HYLS1: variants seen among roughly 807,000 people sequenced by gnomAD.
The protein encoded by HYLS1 is centriolar and ciliogenesis-associated protein HYLS1.
A neutral mutation model predicts 29.4 loss-of-function variants in HYLS1; 25 were observed. The ratio of observed to expected loss-of-function variants is 0.85; its 90% CI spans 0.62 to 1.19. The LOEUF (loss-of-function observed/expected upper bound fraction) is 1.19, where lower values mean the gene tolerates loss of function less well. HYLS1 is among the 50% of genes most tolerant of loss of function. The pLI is 0.00. For missense variants in HYLS1, 352 were observed against 365.1 expected, an observed-to-expected ratio of 0.96 and a Z score of 0.29; for synonymous variants, 128 against 126.7, an observed-to-expected ratio of 1.01 and a Z score of -0.07.
rs752414383 is a variant in HYLS1, at chr11:125,899,387, G to T, written c.19G>T (p.Asp7Tyr). The T allele has an allele frequency of 2.5e-6, 4 of 1,614,132 alleles. No individual in the cohort carries two copies. The South Asian group carries it at 4.4e-5, about 18-fold the overall frequency. The change falls in exon 3 of 3, where the codon GAT (aspartate) becomes TAT (tyrosine). Residue 7 changes from aspartate to tyrosine, a missense_variant. Physicochemically the swap from Asp to Tyr is radical, Grantham distance 160. Transcript: ENST00000425380. Reference sequence around the variant, plus strand: ...GGAAGCAATGGAAGAACTTCTACCTGATGGACAAATATGGGCTAATATGGA... The same window carrying T: ...GGAAGCAATGGAAGAACTTCTACCTTATGGACAAATATGGGCTAATATGGA... MEELLP[D>Y]GQIWANMDPE...
At chr11:125,888,575 C>G (rs1944351038) in intron 1 of HYLS1, among the ~76,000 whole-genome samples, 1 of 151,794 alleles carries the variant, frequency 6.6e-6, no homozygotes, top group South Asian at 2.1e-4. Context: ...TCGAGACCAG[C>G]CCGACCAATA....
At chr11:125,885,481 C>T (rs188845938), upstream of HYLS1, among the ~76,000 whole-genome samples, 55 of 151,794 alleles carry the variant, frequency 3.6e-4, no homozygotes, top group Non-Finnish European at 6.6e-4. Flanking sequence ...GAAAAAGAAA[C>T]GAACTGGGGG....
intron 2 of HYLS1, among the ~76,000 whole-genome samples, chr11:125,897,629 C>T (rs1022966059): frequency 2.0e-5 from 3 of 151,684 alleles, no homozygotes; most frequent in Admixed American, 6.6e-5. Context: ...ATTTTAAATG[C>T]TCAATTTTAC....
chr11:125,899,549 C>T lies in HYLS1; in HGVS notation c.181C>T (p.Arg61Ter), dbSNP rs61746266. ...YSKASVAPGK[R>*]PALPVQLQYP... is the part of the protein sequence containing the mutation. ...TAAAGCTTCAGTAGCCCCAGGGAAGCGACCTGCTCTTCCTGTGCAACTACA... is the reference window on the plus strand; with the variant it reads ...TAAAGCTTCAGTAGCCCCAGGGAAGTGACCTGCTCTTCCTGTGCAACTACA... Residue 61 changes from arginine to a stop codon, truncating the protein, a stop_gained, in exon 3 of 3, where the codon CGA (arginine) becomes TGA (stop). Coordinates refer to ENST00000425380, the MANE Select transcript of HYLS1 (RefSeq NM_001134793.2). LOFTEE classifies it high-confidence loss of function. 9.3e-6 allele frequency: 15 copies of T among 1,614,004 alleles called. No homozygotes were observed. In the Admixed American group the frequency reaches 1.7e-4, roughly 18 times the overall value.
chr11:125,897,097 T>G (rs1944612963), intron 2 of HYLS1, among the ~76,000 whole-genome samples: 1 of 152,204 alleles, frequency 6.6e-6, no homozygotes, highest in Non-Finnish European at 1.5e-5. Context: ...AGGACAACTG[T>G]ACTACATCCT....
chr11:125,893,520 A>G, intron 2 of HYLS1: 1 of 304,500 alleles, frequency 3.3e-6, no homozygotes, highest in Non-Finnish European at 6.0e-6. Flanking sequence ...ATTTGAATAC[A>G]AGGCACAGGT....
chr11:125,900,612 A>G lies in HYLS1; in HGVS notation c.*344A>G, dbSNP rs1394002144. Reference sequence around the variant, plus strand: ...GTGTGTGTTTTTTAAGTTGCTGGGCATTACACTTACCAATTAAAGAATTTT... The same window carrying G: ...GTGTGTGTTTTTTAAGTTGCTGGGCGTTACACTTACCAATTAAAGAATTTT... On this transcript the variant is annotated 3_prime_UTR_variant, in exon 3 of 3. Transcript: ENST00000425380. The G allele has an allele frequency of 3.3e-6, 1 of 304,034 alleles. No individual in the cohort carries two copies. Among genetic ancestry groups the G allele is most frequent in the East Asian group, 9.6e-5 (1 of 10,416 alleles). 18.8% of individuals were successfully genotyped at this position (304,034 alleles called of 1,614,324 possible). A position where few individuals can be genotyped will look rare whatever the true frequency, so the allele number is the denominator to read the frequency against.
At chr11:125,887,176 G>A (rs1474392715), upstream of HYLS1, 1 of 152,454 alleles carries the variant, frequency 6.6e-6, no homozygotes, top group Non-Finnish European at 1.5e-5. Flanking sequence ...AGAGCGCACA[G>A]GCGGACTCAC....
At chr11:125,894,048 C>T (rs146114159) in intron 2 of HYLS1, 3 of 1,614,062 alleles carry the variant, frequency 1.9e-6, no homozygotes, top group African/African-American at 1.3e-5. Flanking sequence ...TGCTTTATGA[C>T]AGAGGGCTTA....
chr11:125,894,435 T>C, intron 2 of HYLS1: 1 of 625,044 alleles, frequency 1.6e-6, no homozygotes, highest in Non-Finnish European at 2.8e-6. Flanking sequence ...TATCTCACCA[T>C]CCCTAACCTT....
At chr11:125,884,034 C>G (rs1480403927), upstream of HYLS1, 1 of 152,160 alleles carries the variant, frequency 6.6e-6, no homozygotes, top group Non-Finnish European at 1.5e-5. Context: ...AAGCCATATT[C>G]AACTACACTG....
At chr11:125,887,634 G>C (rs1188224242), upstream of HYLS1, 1 of 152,346 alleles carries the variant, frequency 6.6e-6, no homozygotes, top group African/African-American at 2.4e-5. Context: ...CTCAGCGGTC[G>C]GCGGTTAACC....
chr11:125,894,098 A>G lies in HYLS1; in HGVS notation c.-26+2626A>G, dbSNP rs931186530. 8.1e-6 allele frequency: 13 copies of G among 1,614,002 alleles called. No individual in the cohort carries two copies. The Admixed American group carries it at 2.0e-4, about 25-fold the overall frequency. On this transcript the variant is annotated intron_variant, in intron 2 of 2. Coordinates refer to ENST00000425380, the MANE Select transcript of HYLS1 (RefSeq NM_001134793.2). ...TGTCATTCCATCCATCTTTGGTCCTATTCCACAGGGTACTGGAACAGTGTC... is the reference window on the plus strand; with the variant it reads ...TGTCATTCCATCCATCTTTGGTCCTGTTCCACAGGGTACTGGAACAGTGTC...
chr11:125,884,604 G>A (rs991547758), upstream of HYLS1, among the ~76,000 whole-genome samples: 26 of 152,318 alleles, frequency 1.7e-4, no homozygotes, highest in Non-Finnish European at 2.6e-4. Flanking sequence ...GTGAGACTCC[G>A]TCTCAAAAAC....
At chr11:125,898,929 C>G (rs1202984133) in intron 2 of HYLS1, among the ~76,000 whole-genome samples, 1 of 152,078 alleles carries the variant, frequency 6.6e-6, no homozygotes, top group Non-Finnish European at 1.5e-5. Context: ...CTGTGAAAAG[C>G]AGATAATCCC....
chr11:125,900,562 T>C lies in HYLS1; in HGVS notation c.*294T>C. ...TTTGTGTCCTGTAACTTTTTTTACCTATCAATATGAGTTGCTGTGCTTCAG... is the reference window on the plus strand; with the variant it reads ...TTTGTGTCCTGTAACTTTTTTTACCCATCAATATGAGTTGCTGTGCTTCAG... On this transcript the variant is annotated 3_prime_UTR_variant, in exon 3 of 3. Transcript: ENST00000425380. 1 of 402,946 alleles carries C rather than the reference T, an allele frequency of 2.5e-6. No homozygotes were observed. The highest frequency in any genetic ancestry group is 4.8e-6 in the Non-Finnish European group (1 of 209,082). 25.0% of individuals were successfully genotyped at this position (402,946 alleles called of 1,614,324 possible).
chr11:125,897,765 A>G (rs1439572556), intron 2 of HYLS1, among the ~76,000 whole-genome samples: 1 of 152,230 alleles, frequency 6.6e-6, no homozygotes, highest in Non-Finnish European at 1.5e-5. Flanking sequence ...TATGGTCAGT[A>G]CAGCTTCTTT....
At chr11:125,888,105 G>A (rs1944341452) in intron 1 of HYLS1, 2 of 152,278 alleles carry the variant, frequency 1.3e-5, no homozygotes, top group Non-Finnish European at 2.9e-5. Flanking sequence ...CGGCCCCAGG[G>A]CTGGAGGGGA....
chr11:125,886,549 C>T (rs935157797), upstream of HYLS1, among the ~76,000 whole-genome samples: 3 of 147,500 alleles, frequency 2.0e-5, no homozygotes, highest in African/African-American at 7.6e-5. Context: ...CAGATCTCAT[C>T]CTCAGCAATC....
Sources: allele counts gnomAD v4.1 joint callset (sites outside exome capture counted in the v4.1 genomes callset), GRCh38; gene constraint gnomAD v4.1.1; transcripts MANE v1.5; gene names NCBI Gene and HGNC (gene_info 2026-07-23, HGNC 2026-07-21).